The following WDHD1 variants were observed in gnomAD, a reference collection of about 807,000 sequenced individuals.
WDHD1 encodes the protein WD repeat and HMG-box DNA binding protein 1, also known as WD repeat and HMG-box DNA-binding protein 1.
Under a neutral mutation model 135.4 loss-of-function variants are expected in WDHD1, and 111 were observed. The observed-to-expected ratio is 0.82, with a 90% CI of 0.70 to 0.96. The LOEUF is 0.96. WDHD1 is among the 40% of genes least tolerant of loss of function. The probability of loss-of-function intolerance (pLI) is 0.00; values close to 1 mark genes in which losing one functional copy is unlikely to be tolerated. For synonymous variants in WDHD1, 434 were observed against 439.0 expected, an observed-to-expected ratio of 0.99 and a Z score of 0.14; for missense variants, 1,351 against 1,336.3, an observed-to-expected ratio of 1.01 and a Z score of -0.17.
chr14:55,002,019 G>A lies in WDHD1; in HGVS notation c.693+74C>T, dbSNP rs575589031. On this transcript the variant is annotated intron_variant, in intron 8 of 25. Coordinates refer to ENST00000360586, the MANE Select transcript of WDHD1 (RefSeq NM_007086.4). ...TTTTCCATTCCAATAATATTTAACT[G>A]CAACTGTATTCAGGCAAACTACGCA... The A allele has an allele frequency of 1.1e-5, 11 of 1,033,632 alleles. No individual in the cohort carries two copies. The East Asian group carries it at 2.7e-4, about 25-fold the overall frequency. The allele number at this position is 1,033,632 out of a possible 1,614,324, so 64.0% of individuals were successfully genotyped here.
chr14:54,958,872 A>G (rs1302172974), intron 21 of WDHD1, among the ~76,000 whole-genome samples: 2 of 152,208 alleles, frequency 1.3e-5, no homozygotes, highest in Admixed American at 6.5e-5. Flanking sequence ...TGCTATACTT[A>G]TGCCAATGAT....
chr14:54,984,729 C>T lies in WDHD1; in HGVS notation c.1900G>A (p.Ala634Thr). ...TTAAACAAATTTATCTTGCCTTCAG[C>T]TGAAAACCCAATCCATGCAAGGTAG... ...KSYLAWIGFS[A>T]EGTPCYVDSE... The change falls in exon 15 of 26, where the codon GCT (alanine) becomes ACT (threonine). Residue 634 changes from alanine to threonine, a missense_variant. Transcript: ENST00000360586. 6.2e-7 allele frequency: 1 copy of T among 1,605,326 alleles called. No individual in the cohort carries two copies. Among genetic ancestry groups the T allele is most frequent in the Non-Finnish European group, 8.5e-7 (1 of 1,177,800 alleles).
In WDHD1 at chr14:55,020,214, G is replaced by A. The variant is rs567024295; in HGVS notation, c.77+6497C>T. On this transcript the variant is annotated intron_variant, in intron 2 of 25. Coordinates refer to ENST00000360586, the MANE Select transcript of WDHD1 (RefSeq NM_007086.4). ...GTACTAGAGACAAAATCAAAACCAC[G>A]TAGTGTCAACCTCACTAATTCAAAT... Among the ~76,000 whole-genome samples, 36 of 152,258 alleles carry A rather than the reference G, an allele frequency of 2.4e-4. No homozygotes were observed. The South Asian group carries it at 3.7e-3, about 16-fold the overall frequency.
At chr14:55,001,898 T>C (rs1220584547) in intron 8 of WDHD1, among the ~76,000 whole-genome samples, 195 bp downstream of exon 8, 1 of 152,248 alleles carries the variant, frequency 6.6e-6, no homozygotes, top group Non-Finnish European at 1.5e-5. Context: ...TAAATCTGAC[T>C]TCTTATAACA....
chr14:54,979,746 G>T (rs1595087855), intron 16 of WDHD1, among the ~76,000 whole-genome samples: 1 of 152,162 alleles, frequency 6.6e-6, no homozygotes, highest in Non-Finnish European at 1.5e-5. Flanking sequence ...TGAATACAGA[G>T]AAAAGTCTCC....
rs555589332 is a variant in WDHD1, at chr14:54,993,348, G to A, written c.1154-1948C>T. ...TTGCCCTGGCTGGTCTTGAACTCCT[G>A]GCCTCAAGCAATCCTCCTGCCTGGG... On this transcript the variant is annotated intron_variant, in intron 11 of 25. Transcript: ENST00000360586. Among the ~76,000 whole-genome samples the A allele has an allele frequency of 8.5e-5, 13 of 152,174 alleles. No individual in the cohort carries two copies. The East Asian group carries it at 2.5e-3, about 29-fold the overall frequency.
chr14:54,981,693 G>A lies in WDHD1; in HGVS notation c.1910C>T (p.Thr637Ile). 1.2e-6 allele frequency: 2 copies of A among 1,601,114 alleles called. No individual in the cohort carries two copies. Among genetic ancestry groups the A allele is most frequent in the Non-Finnish European group, 1.7e-6 (2 of 1,169,758 alleles). The change falls in exon 16 of 26, where the codon ACC (threonine) becomes ATC (isoleucine). Residue 637 changes from threonine (T) to isoleucine (I), a missense_variant. By Grantham distance (89) the Thr-to-Ile change is moderately conservative. Around this residue, in one of 2 missense-constraint regions of WDHD1, gnomAD observed 1,330 missense variants for 1,296.1 expected, o/e 1.03. Coordinates refer to ENST00000360586, the MANE Select transcript of WDHD1 (RefSeq NM_007086.4). ...LAWIGFSAEG[T>I]PCYVDSEGIV... The stretch of plus-strand genomic sequence containing the variant: ...TCCTTCTGAATCCACGTAACAAGGG[G>A]TACCTAAACACCAACAGAAAAATCA...
chr14:54,948,181 C>T (rs1381062931), intron 24 of WDHD1, among the ~76,000 whole-genome samples: 1 of 152,128 alleles, frequency 6.6e-6, no homozygotes, highest in Non-Finnish European at 1.5e-5. Context: ...GTTCATCTCA[C>T]TAGGGCTTGT....
chr14:54,967,393 A>C lies in WDHD1; in HGVS notation c.2065T>G (p.Cys689Gly), dbSNP rs1413541451. The C allele has an allele frequency of 5.0e-6, 8 of 1,591,282 alleles. No homozygotes were observed. Among genetic ancestry groups the C allele is most frequent in the Non-Finnish European group, 6.8e-6 (8 of 1,171,962 alleles). Residue 689 changes from cysteine to glycine, a missense_variant and splice_region_variant, in exon 17 of 26, where the codon TGC (cysteine) becomes GGC (glycine). Cys to Gly is a radical substitution (Grantham distance 159). Coordinates refer to ENST00000360586, the MANE Select transcript of WDHD1 (RefSeq NM_007086.4). Reference protein sequence around the residue: ...GIHENPQQLRCIPCKGSRFPP... With the variant: ...GIHENPQQLRGIPCKGSRFPP... ...AACCGAGAACCTTTACAAGGAATGCACCTGTTAGTAAAGAAAAGTTCCATC... is the reference window on the plus strand; with the variant it reads ...AACCGAGAACCTTTACAAGGAATGCCCCTGTTAGTAAAGAAAAGTTCCATC...
At chr14:55,010,833 G>A (rs557738987) in intron 3 of WDHD1, among the ~76,000 whole-genome samples, 33 of 152,332 alleles carry the variant, frequency 2.2e-4, no homozygotes, top group South Asian at 1.2e-3. Context: ...CAGAAGGCAC[G>A]GCCACAATGG....
In WDHD1 at chr14:54,954,949, G is replaced by A. The variant is rs543982867; in HGVS notation, c.3050+612C>T. 3.9e-4 allele frequency among the ~76,000 whole-genome samples: 60 copies of A among 152,202 alleles called. 1 individual carries two copies. The South Asian group carries it at 0.01, about 26-fold the overall frequency. On this transcript the variant is annotated intron_variant, in intron 24 of 25. Coordinates refer to ENST00000360586, the MANE Select transcript of WDHD1 (RefSeq NM_007086.4). ...TCTCCATGTTGGTCAGGCTGGTCTC[G>A]AACTCCCATCCTCAGATGATCCGCC...
chr14:54,947,994 T>C (rs1042139338), intron 24 of WDHD1, among the ~76,000 whole-genome samples: 2 of 151,716 alleles, frequency 1.3e-5, no homozygotes, highest in African/African-American at 4.8e-5. Flanking sequence ...GGTGGGCAGA[T>C]CACCTGAGGT....
At position 54,987,309 on chromosome 14, in the gene WDHD1, A is replaced by G; in HGVS notation, c.1605T>C (p.Ile535=). 1 of 1,614,150 alleles carries G rather than the reference A, an allele frequency of 6.2e-7. No homozygotes were observed. Among genetic ancestry groups the G allele is most frequent in the Non-Finnish European group, 8.5e-7 (1 of 1,180,024 alleles). Residue 535 remains isoleucine, a synonymous_variant, in exon 14 of 26, where the codon ATT becomes ATC. Transcript: ENST00000360586. ...ATCCTTGACCGAGACATATGGCTTC[A>G]ATATCCTCATTCTGAGGCAAGTCTA... The part of the protein sequence containing the change: ...WIIDLPQNED[I]EAICLGQGWA...
chr14:55,018,248 A>G (rs1359112080), intron 2 of WDHD1, among the ~76,000 whole-genome samples: 1 of 152,200 alleles, frequency 6.6e-6, no homozygotes, highest in East Asian at 1.9e-4. Flanking sequence ...ATTAAACTTA[A>G]GCTTTTGAAG....
chr14:54,997,025 C>T (rs1051685737), intron 10 of WDHD1, among the ~76,000 whole-genome samples: 4 of 149,580 alleles, frequency 2.7e-5, no homozygotes, highest in African/African-American at 9.8e-5. Context: ...CTCTTGACCT[C>T]GTGATCCACC....
chr14:54,962,597 G>A, intron 20 of WDHD1, 46 bp from the exon 21 acceptor site: 4 of 1,542,802 alleles, frequency 2.6e-6, no homozygotes, highest in Non-Finnish European at 3.6e-6. Flanking sequence ...GGAAAATATA[G>A]TCATCCTCAA....
intron 6 of WDHD1, 140 bp downstream of exon 6, chr14:55,008,176 G>T (rs570246738): frequency 2.7e-6 from 2 of 737,900 alleles, no homozygotes; most frequent in Admixed American, 3.0e-5. Flanking sequence ...TGTGGACTTT[G>T]ATCACAAAAA....
At chr14:55,023,098 G>A (rs2042376819) in intron 2 of WDHD1, among the ~76,000 whole-genome samples, 2 of 152,052 alleles carry the variant, frequency 1.3e-5, no homozygotes. Context: ...ACAGGTGTGA[G>A]CCATCACACC....
intron 19 of WDHD1, 28 bp from the exon 20 acceptor site, chr14:54,962,881 A>G: frequency 6.2e-7 from 1 of 1,611,108 alleles, no homozygotes; most frequent in Non-Finnish European, 8.5e-7. Flanking sequence ...TATTCAATAA[A>G]GAGCTATGCA....
Sources: gnomAD v4.1 joint callset for allele counts (sites outside exome capture counted in the v4.1 genomes callset) on GRCh38, gnomAD v4.1.1 for gene constraint, gnomAD v4.1.1 regional missense constraint, MANE v1.5 for transcripts, NCBI Gene and HGNC (gene_info 2026-07-23, HGNC 2026-07-21) for gene names.